Variants in DLGAP2 observed in about 807,000 individuals in gnomAD.
DLGAP2 encodes disks large-associated protein 2.
DLGAP2 carries 26 observed loss-of-function variants against 100.3 expected under a neutral mutation model. The observed-to-expected ratio is 0.26, with a 90% CI of 0.19 to 0.36. DLGAP2 has a LOEUF of 0.36. DLGAP2 is among the 10% of genes least tolerant of loss of function. The probability of loss-of-function intolerance (pLI) is 1.00; values close to 1 mark genes in which losing one functional copy is unlikely to be tolerated. For synonymous variants in DLGAP2, 886 were observed against 630.1 expected (o/e 1.41, Z -6.08); for missense variants, 1,858 against 1,453.2 (o/e 1.28, Z -4.53).
chr8:1,613,705 GT>G (rs2130737386), intron 6 of DLGAP2, among the ~76,000 whole-genome samples: 1 of 152,270 alleles, frequency 6.6e-6, no homozygotes, highest in African/African-American at 2.4e-5. Flanking sequence ...TGGGAGAGTA[GT>G]TTAACAGCAG....
At position 1,470,319 on chromosome 8, in the gene DLGAP2, T is replaced by A. The variant is rs1798744428; in HGVS notation, c.107-31047T>A. Among the ~76,000 whole-genome samples, 2 of 152,178 alleles carry A rather than the reference T, an allele frequency of 1.3e-5. 1 individual carries two copies. The highest frequency in any genetic ancestry group is 4.1e-4 in the South Asian group (2 of 4,824). On this transcript the variant is annotated intron_variant, in intron 3 of 14. Transcript: ENST00000637795. ...ACTTCTCAGCCCCCAATGCCATCCT[T>A]CATCCCTCAGCTGGTGCCACCAAGT... is the stretch of plus-strand genomic sequence containing the variant.
chr8:1,507,346 T>TGGGCCAGCACTGCTGGGG (rs1394303943), intron 4 of DLGAP2, among the ~76,000 whole-genome samples: 2 of 152,162 alleles, frequency 1.3e-5, no homozygotes, highest in Admixed American at 6.5e-5. Context: ...GCAGCGCCGG[T>TGGGCCAGCACTGCTGGGG]GGGCCAGCAC....
At chr8:1,107,082 C>G (rs1804798992) in intron 2 of DLGAP2, among the ~76,000 whole-genome samples, 2 of 152,180 alleles carry the variant, frequency 1.3e-5, no homozygotes, top group African/African-American at 4.8e-5. Flanking sequence ...CAAAATGTGA[C>G]TTTTGTGTGA....
intron 2 of DLGAP2, among the ~76,000 whole-genome samples, chr8:1,152,199 A>G (rs1796709011): frequency 1.3e-5 from 2 of 152,100 alleles, no homozygotes; most frequent in African/African-American, 4.8e-5. Context: ...TGATTTTCTT[A>G]TTGTTTCCTT....
At chr8:1,233,345 G>A (rs1039124483) in intron 2 of DLGAP2, among the ~76,000 whole-genome samples, 1 of 152,202 alleles carries the variant, frequency 6.6e-6, no homozygotes, top group Non-Finnish European at 1.5e-5. Flanking sequence ...GGCCTGGCCT[G>A]TGCTCTAAGA....
intron 2 of DLGAP2, among the ~76,000 whole-genome samples, chr8:1,114,724 T>G (rs1425564168): frequency 3.3e-5 from 5 of 152,198 alleles, no homozygotes; most frequent in African/African-American, 1.2e-4. Context: ...GGTTATTTCT[T>G]GTCTTCTGCT....
intron 2 of DLGAP2, among the ~76,000 whole-genome samples, chr8:1,159,415 G>C (rs1330319350): frequency 6.6e-6 from 1 of 152,228 alleles, no homozygotes; most frequent in African/African-American, 2.4e-5. Flanking sequence ...ATGCATCTCA[G>C]AGCCCAGGTT....
At chr8:1,228,542 A>T (rs1239091002) in intron 2 of DLGAP2, among the ~76,000 whole-genome samples, 1 of 152,210 alleles carries the variant, frequency 6.6e-6, no homozygotes, top group Non-Finnish European at 1.5e-5. Context: ...ATATAGATAT[A>T]AAAATCCTCC....
intron 1 of DLGAP2, among the ~76,000 whole-genome samples, chr8:876,721 T>A (rs1253630643): frequency 1.3e-5 from 2 of 152,216 alleles, no homozygotes; most frequent in Non-Finnish European, 2.9e-5. Flanking sequence ...TTTGCATATC[T>A]TTTTTGCTGC....
At chr8:764,634 C>G (rs945319704) in intron 1 of DLGAP2, among the ~76,000 whole-genome samples, 3 of 152,074 alleles carry the variant, frequency 2.0e-5, no homozygotes, top group African/African-American at 7.2e-5. Flanking sequence ...TGTTATTGAT[C>G]AGTTATTTTT....
chr8:1,455,028 G>C (rs1004637722), intron 3 of DLGAP2, among the ~76,000 whole-genome samples: 11 of 152,154 alleles, frequency 7.2e-5, no homozygotes, highest in African/African-American at 2.7e-4. Context: ...CATCTTGGGG[G>C]TCTGGGGAGG....
intron 14 of DLGAP2, among the ~76,000 whole-genome samples, chr8:1,698,745 G>C (rs899242061): frequency 5.3e-5 from 8 of 151,804 alleles, no homozygotes; most frequent in African/African-American, 1.5e-4. Context: ...GCCATGTGTG[G>C]GACTAGACAA....
chr8:1,193,529 C>A (rs1306998403), intron 2 of DLGAP2, among the ~76,000 whole-genome samples: 2 of 152,174 alleles, frequency 1.3e-5, no homozygotes, highest in Non-Finnish European at 2.9e-5. Flanking sequence ...CTCATTCACG[C>A]TGAAATCCAC....
intron 6 of DLGAP2, among the ~76,000 whole-genome samples, chr8:1,589,035 G>A (rs761733858): frequency 9.2e-5 from 14 of 152,166 alleles, no homozygotes; most frequent in Non-Finnish European, 1.3e-4. Flanking sequence ...CCATATCCTA[G>A]TTGACACACA....
intron 3 of DLGAP2, among the ~76,000 whole-genome samples, chr8:1,273,801 G>C (rs565397345): frequency 2.0e-5 from 3 of 152,342 alleles, no homozygotes; most frequent in African/African-American, 7.2e-5. Flanking sequence ...AGCTAAGTGG[G>C]ATTCTGTTCA....
At chr8:851,798 A>T in intron 1 of DLGAP2, among the ~76,000 whole-genome samples, 1 of 152,148 alleles carries the variant, frequency 6.6e-6, no homozygotes. Context: ...GATGCCAGGA[A>T]CCACACTCGG....
intron 1 of DLGAP2, among the ~76,000 whole-genome samples, chr8:780,638 C>T (rs1237583434): frequency 1.3e-5 from 2 of 152,236 alleles, no homozygotes; most frequent in African/African-American, 2.4e-5. Flanking sequence ...TTTACCGTTG[C>T]TCCTTTTGAA....
intron 2 of DLGAP2, among the ~76,000 whole-genome samples, chr8:913,474 G>T (rs1798530501): frequency 6.6e-6 from 1 of 152,236 alleles, no homozygotes; most frequent in African/African-American, 2.4e-5. Flanking sequence ...GAGCGTATAT[G>T]TTGAAATGAG....
intron 2 of DLGAP2, among the ~76,000 whole-genome samples, chr8:1,021,388 C>G (rs1371010204): frequency 6.6e-6 from 1 of 152,104 alleles, no homozygotes; most frequent in Non-Finnish European, 1.5e-5. Context: ...AGAGCAGAAA[C>G]CATGAGGGTG....
Sources: gnomAD v4.1 joint callset for allele counts (sites outside exome capture counted in the v4.1 genomes callset) on GRCh38, gnomAD v4.1.1 for gene constraint, MANE v1.5 for transcripts, NCBI Gene and HGNC (gene_info 2026-07-23, HGNC 2026-07-21) for gene names.